The following ANLN variants were observed in gnomAD, a reference collection of about 807,000 sequenced individuals.
ANLN encodes anillin.
A neutral mutation model predicts 135.1 loss-of-function variants in ANLN; 59 were observed. That is an observed-to-expected ratio of 0.44 (90% CI 0.35 to 0.54). The LOEUF (loss-of-function observed/expected upper bound fraction) is 0.54. ANLN is among the 20% of genes least tolerant of loss of function. The pLI is 0.00. For synonymous variants in ANLN, 406 were observed against 456.4 expected, an observed-to-expected ratio of 0.89 and a Z score of 1.41; for missense variants, 1,182 against 1,340.0, an observed-to-expected ratio of 0.88 and a Z score of 1.84.
At chr7:36,419,598 C>T in intron 10 of ANLN, 119 bp downstream of exon 10, 1 of 773,098 alleles carries the variant, frequency 1.3e-6, no homozygotes, top group Non-Finnish European at 2.1e-6. Context: ...ATTTTGCAGA[C>T]CTGTTGTCTG....
intron 4 of ANLN, among the ~76,000 whole-genome samples, chr7:36,407,164 G>A (rs768882146): frequency 6.0e-5 from 9 of 150,936 alleles, no homozygotes; most frequent in East Asian, 2.0e-4. Flanking sequence ...GACCTGCATT[G>A]AATCCCAGCT....
Position 36,419,451 on chromosome 7 carries a change from CACAA to C in ANLN, c.1845_1848del (p.Thr616LeufsTer4). On this transcript the variant is annotated frameshift_variant, in exon 10 of 24. Transcript: ENST00000265748. LOFTEE classifies it high-confidence loss of function. Reference sequence around the variant, plus strand: ...TCAATGTCTTTACTTGCACCATTGGCACAAACAGTTGGTGTGGTAAGTCCAGAGG... The same window carrying C: ...TCAATGTCTTTACTTGCACCATTGGCACAGTTGGTGTGGTAAGTCCAGAGG... 6.2e-7 allele frequency: 1 copy of C among 1,613,804 alleles called. No individual in the cohort carries two copies. Among genetic ancestry groups the C allele is most frequent in the East Asian group, 2.2e-5 (1 of 44,864 alleles).
intron 7 of ANLN, among the ~76,000 whole-genome samples, chr7:36,412,302 G>C (rs1787446483): frequency 1.7e-5 from 2 of 117,926 alleles, no homozygotes; most frequent in Admixed American, 1.8e-4. Flanking sequence ...GTTGCTGCCA[G>C]AGAAATATAT....
chr7:36,417,154 A>C lies in ANLN; in HGVS notation c.1597A>C (p.Lys533Gln), dbSNP rs1787677783. 3 of 1,608,920 alleles carry C rather than the reference A, an allele frequency of 1.9e-6. No individual in the cohort carries two copies. The highest frequency in any genetic ancestry group is 1.7e-5 in the Admixed American group (1 of 59,294). ...TLFLEEDKSL[K>Q]VTSDPKVEQK... ...GTTTTTAGAAGAGGACAAATCCTTAAAAGTAACATCAGACCCAAAGGTTGA... is the reference window on the plus strand; with the variant it reads ...GTTTTTAGAAGAGGACAAATCCTTACAAGTAACATCAGACCCAAAGGTTGA... The change falls in exon 9 of 24, where the codon AAA (lysine) becomes CAA (glutamine). Residue 533 changes from lysine to glutamine, a missense_variant. Physicochemically the swap from Lys to Gln is moderately conservative, Grantham distance 53. This residue lies in a region of ANLN where 1,022 missense variants were observed against 1,134.0 expected (regional missense o/e 0.90). Coordinates refer to ENST00000265748, the MANE Select transcript of ANLN (RefSeq NM_018685.5).
chr7:36,405,599 C>T (rs1754733852), intron 3 of ANLN, among the ~76,000 whole-genome samples: 2 of 152,328 alleles, frequency 1.3e-5, no homozygotes, highest in South Asian at 4.1e-4. Context: ...TGGGATTTCT[C>T]TCCAAATGAA....
chr7:36,411,092 C>T lies in ANLN; in HGVS notation c.1321C>T (p.Arg441Ter). ...RQKELACLRG[R>*]FDKGNIWSAE... Reference sequence around the variant, plus strand: ...AAAAGAACTAGCATGTCTTCGTGGCCGATTTGACAAGGGCAATATATGGAG... The same window carrying T: ...AAAAGAACTAGCATGTCTTCGTGGCTGATTTGACAAGGGCAATATATGGAG... Residue 441 changes from arginine (R) to a stop codon, truncating the protein, a stop_gained, in exon 7 of 24, where the codon CGA becomes TGA. Coordinates refer to ENST00000265748, the MANE Select transcript of ANLN (RefSeq NM_018685.5). LOFTEE classifies it high-confidence loss of function. 1 of 1,609,598 alleles carries T rather than the reference C, an allele frequency of 6.2e-7. No individual in the cohort carries two copies. The highest frequency in any genetic ancestry group is 8.5e-7 in the Non-Finnish European group (1 of 1,179,072).
intron 22 of ANLN, chr7:36,449,458 C>T: frequency 2.4e-6 from 1 of 418,102 alleles, no homozygotes; most frequent in Non-Finnish European, 4.2e-6. Flanking sequence ...CAAGAGCTAC[C>T]AGTTGATATT....
intron 20 of ANLN, among the ~76,000 whole-genome samples, chr7:36,431,597 GTATATATATATATATATATAATA>G (rs1222360044): frequency 1.1e-4 from 3 of 27,446 alleles, no homozygotes; most frequent in East Asian, 2.0e-3. Flanking sequence ...GTGTGTGTGT[GTATATATATATATATATATAATA>G]TATATATATA....
chr7:36,431,541 G>A (rs1475934922), intron 20 of ANLN, among the ~76,000 whole-genome samples: 5 of 135,208 alleles, frequency 3.7e-5, no homozygotes, highest in African/African-American at 8.0e-5. Flanking sequence ...ATATATATAT[G>A]TGTGTATATA....
intron 20 of ANLN, among the ~76,000 whole-genome samples, chr7:36,435,311 T>G (rs1247836016): frequency 6.6e-6 from 1 of 152,118 alleles, no homozygotes; most frequent in Non-Finnish European, 1.5e-5. Flanking sequence ...CCTAGATTCG[T>G]TTTGCTTGTT....
chr7:36,450,076 G>A (rs1439331145), intron 23 of ANLN, among the ~76,000 whole-genome samples: 1 of 152,190 alleles, frequency 6.6e-6, no homozygotes, highest in African/African-American at 2.4e-5. Context: ...TGCTCACAGT[G>A]GAGGCATTTT....
chr7:36,396,597 C>G (rs187529674), intron 2 of ANLN, among the ~76,000 whole-genome samples, 178 bp downstream of exon 2: 1 of 152,088 alleles, frequency 6.6e-6, no homozygotes, highest in East Asian at 1.9e-4. Flanking sequence ...AGGCCTAGAA[C>G]CTATAGGGTT....
chr7:36,424,794 T>C (rs754059987), intron 17 of ANLN, 52 bp downstream of exon 17: 2 of 1,523,632 alleles, frequency 1.3e-6, no homozygotes, highest in South Asian at 1.2e-5. Context: ...GTAATAGATA[T>C]CATCATACCA....
intron 1 of ANLN, among the ~76,000 whole-genome samples, chr7:36,393,557 A>G (rs1786570057): frequency 6.6e-6 from 1 of 152,222 alleles, no homozygotes; most frequent in Admixed American, 6.5e-5. Flanking sequence ...ACGTGCAGTT[A>G]CATGCATCCC....
Position 36,452,723 on chromosome 7 carries a change from C to A in ANLN, c.*123C>A. ...ACGAAAGGGTTTGTGCCAATATTCA[C>A]TACGTATTATGCAGTATTTATATCT... On this transcript the variant is annotated 3_prime_UTR_variant, in exon 24 of 24. Transcript: ENST00000265748. 8.9e-7 allele frequency: 1 copy of A among 1,122,672 alleles called. No homozygotes were observed. 69.5% of individuals were successfully genotyped at this position (1,122,672 alleles called of 1,614,324 possible).
In ANLN at chr7:36,428,296, G is replaced by T. The variant is rs769203666; in HGVS notation, c.2883+1268G>T. The T allele has an allele frequency of 8.9e-5, 111 of 1,254,178 alleles. 1 individual carries two copies. In the South Asian group the frequency reaches 1.4e-3, roughly 16 times the overall value. 77.7% of individuals were successfully genotyped at this position (1,254,178 alleles called of 1,614,324 possible). A position where few individuals can be genotyped will look rare whatever the true frequency, so the allele number is the denominator to read the frequency against. ...TCTTTTTTTCTCTGTCTCTTATTTTGTCTGTTTTAGATAAATTATGATGTA... is the reference window on the plus strand; with the variant it reads ...TCTTTTTTTCTCTGTCTCTTATTTTTTCTGTTTTAGATAAATTATGATGTA... On this transcript the variant is annotated intron_variant, in intron 20 of 23. Transcript: ENST00000265748.
chr7:36,404,198 G>C (rs916825637), intron 3 of ANLN, among the ~76,000 whole-genome samples: 10 of 152,202 alleles, frequency 6.6e-5, no homozygotes, highest in Admixed American at 6.5e-4. Flanking sequence ...TCGAACTCCT[G>C]ACCTCAAATG....
chr7:36,399,509 T>C (rs1424348053), intron 3 of ANLN, 116 bp downstream of exon 3: 7 of 954,216 alleles, frequency 7.3e-6, no homozygotes, highest in African/African-American at 1.7e-5. Flanking sequence ...TTTATCTATA[T>C]GTTGAGTATC....
chr7:36,412,327 ATTTT>A (rs1554343030), intron 7 of ANLN, among the ~76,000 whole-genome samples: 43 of 94,802 alleles, frequency 4.5e-4, no homozygotes, highest in African/African-American at 1.5e-3. Flanking sequence ...ATATATATAT[ATTTT>A]TTTTTTTTTT....
Sources: allele counts gnomAD v4.1 joint callset (sites outside exome capture counted in the v4.1 genomes callset), GRCh38; gene constraint gnomAD v4.1.1; regional missense constraint gnomAD v4.1.1; transcripts MANE v1.5; gene names NCBI Gene and HGNC (gene_info 2026-07-23, HGNC 2026-07-21).